The following RGS20 variants were observed in gnomAD, a reference collection of about 807,000 sequenced individuals.
RGS20 encodes regulator of G protein signaling 20.
A neutral mutation model predicts 33.6 loss-of-function variants in RGS20; 30 were observed. The observed-to-expected ratio is 0.89, with a 90% CI of 0.67 to 1.21. The LOEUF is 1.21. Among genes scored for constraint, RGS20 ranks in the 50% most tolerant of loss-of-function variants. The probability of loss-of-function intolerance (pLI) is 0.00; values close to 1 mark genes in which losing one functional copy is unlikely to be tolerated. For missense variants in RGS20, 472 were observed against 502.4 expected (o/e 0.94, Z 0.58); for synonymous variants, 208 against 197.9 (o/e 1.05, Z -0.43).
chr8:53,859,837 G>A lies in RGS20; in HGVS notation c.165+7773G>A, dbSNP rs375002910. ...CAGGGGGACTGCCCTTTATAAAGCC[G>A]TCGGATCTCATGAGACTTATTCACT... On this transcript the variant is annotated intron_variant, in intron 1 of 5. Coordinates refer to ENST00000297313, the MANE Select transcript of RGS20 (RefSeq NM_170587.4). Among the ~76,000 whole-genome samples, 116 of 152,284 alleles carry A rather than the reference G, an allele frequency of 7.6e-4. 1 individual carries two copies. The South Asian group carries it at 0.012, about 16-fold the overall frequency.
chr8:53,867,302 G>A (rs1036615512), intron 1 of RGS20, among the ~76,000 whole-genome samples: 15 of 152,018 alleles, frequency 9.9e-5, no homozygotes, highest in African/African-American at 3.1e-4. Context: ...CATCCCCTAC[G>A]TTTCTCATGC....
At position 53,863,996 on chromosome 8, in the gene RGS20, G is replaced by A. The variant is rs576134693; in HGVS notation, c.165+11932G>A. On this transcript the variant is annotated intron_variant, in intron 1 of 5. Transcript: ENST00000297313. ...CCTTCCTCGGCCTCCCAAAGTGGTGGGATTACAGGCATGACATTTTATCTT... is the reference window on the plus strand; with the variant it reads ...CCTTCCTCGGCCTCCCAAAGTGGTGAGATTACAGGCATGACATTTTATCTT... Among the ~76,000 whole-genome samples the A allele has an allele frequency of 7.2e-5, 11 of 151,864 alleles. No individual in the cohort carries two copies. In the South Asian group the frequency reaches 1.5e-3, roughly 20 times the overall value.
intron 2 of RGS20, among the ~76,000 whole-genome samples, chr8:53,888,712 G>T (rs543933889): frequency 6.6e-6 from 1 of 152,062 alleles, no homozygotes; most frequent in Admixed American, 6.6e-5. Flanking sequence ...CAAAGATTCC[G>T]TCTCGCTTCC....
chr8:53,941,783 G>C (rs953520456), intron 3 of RGS20, among the ~76,000 whole-genome samples: 2 of 152,138 alleles, frequency 1.3e-5, no homozygotes, highest in African/African-American at 2.4e-5. Flanking sequence ...TAAATAGCAG[G>C]ATACTTGGTA....
intron 2 of RGS20, among the ~76,000 whole-genome samples, chr8:53,892,547 T>C (rs1019951654): frequency 3.3e-5 from 5 of 152,254 alleles, no homozygotes; most frequent in Non-Finnish European, 7.3e-5. Flanking sequence ...AGATTGCAGT[T>C]ATGTAATGTA....
rs188959734 is a variant in RGS20, at chr8:53,947,879, A to G, written c.743+1131A>G. 2.8e-3 allele frequency among the ~76,000 whole-genome samples: 385 copies of G among 137,330 alleles called. 3 individuals are homozygous for G. The highest frequency in any genetic ancestry group is 0.011 in the Middle Eastern group (1 of 90). The allele number at this position is 137,330 out of a possible 152,430, so 90.1% of individuals were successfully genotyped here. Reference sequence around the variant, plus strand: ...TATACATTTATATATGCTATATATAAGATGTAGTATATATATGCTATATAT... The same window carrying G: ...TATACATTTATATATGCTATATATAGGATGTAGTATATATATGCTATATAT... On this transcript the variant is annotated intron_variant, in intron 4 of 5. Transcript: ENST00000297313.
intron 1 of RGS20, among the ~76,000 whole-genome samples, chr8:53,863,812 T>C (rs1306953809): frequency 6.7e-6 from 1 of 149,614 alleles, no homozygotes; most frequent in East Asian, 2.0e-4. Flanking sequence ...CTGCAACCTC[T>C]GCTTCCCCGG....
chr8:53,914,009 C>G (rs1349678794), intron 2 of RGS20: 3 of 148,366 alleles, frequency 2.0e-5, no homozygotes, highest in African/African-American at 7.6e-5. Flanking sequence ...CCTCTTCCTT[C>G]TTTTCTTTTC....
At chr8:53,878,700 G>T (rs1032233696) in intron 1 of RGS20, among the ~76,000 whole-genome samples, 1 of 151,860 alleles carries the variant, frequency 6.6e-6, no homozygotes, top group African/African-American at 2.4e-5. Flanking sequence ...CCACTATCTG[G>T]ACCTTCCATA....
intron 1 of RGS20, among the ~76,000 whole-genome samples, chr8:53,870,149 C>A (rs184218882): frequency 1.3e-5 from 2 of 152,256 alleles, no homozygotes. Context: ...TCCATCCCAC[C>A]TTTTCCAACC....
intron 1 of RGS20, among the ~76,000 whole-genome samples, chr8:53,870,273 A>G (rs1034728983): frequency 1.3e-5 from 2 of 152,178 alleles, no homozygotes; most frequent in African/African-American, 2.4e-5. Context: ...ACACACACAC[A>G]CACACACACA....
intron 1 of RGS20, among the ~76,000 whole-genome samples, chr8:53,875,437 AAAAAAAAAAAAAACC>A (rs1812179913): frequency 6.7e-6 from 1 of 148,724 alleles, no homozygotes; most frequent in South Asian, 2.3e-4. Context: ...GTCAAAAAAA[AAAAAAAAAAAAAACC>A]AAAAAAACCA....
In RGS20 at chr8:53,939,817, C is replaced by T. The variant is rs1467288299; in HGVS notation, c.659+93C>T. The T allele has an allele frequency of 2.3e-5, 32 of 1,392,730 alleles. No homozygotes were observed. The Middle Eastern group carries it at 1.0e-3, about 45-fold the overall frequency. 86.3% of individuals were successfully genotyped at this position (1,392,730 alleles called of 1,614,324 possible). ...GTGGCACCCCTGAAAGTGGTGGCAG[C>T]TTATGGTTAATTCAATAAGTGTTTT... is the stretch of plus-strand genomic sequence containing the variant. On this transcript the variant is annotated intron_variant, in intron 3 of 5. Transcript: ENST00000297313.
At chr8:53,895,382 A>G (rs905666704) in intron 2 of RGS20, among the ~76,000 whole-genome samples, 1 of 152,152 alleles carries the variant, frequency 6.6e-6, no homozygotes, top group Non-Finnish European at 1.5e-5. Context: ...AGAGGCAGAA[A>G]TGTGGATTCG....
chr8:53,880,195 CT>C (rs1227015649), intron 2 of RGS20: 2 of 152,544 alleles, frequency 1.3e-5, no homozygotes, highest in African/African-American at 2.4e-5. Context: ...CCGCTGCCCC[CT>C]GGTCTACTCC....
At chr8:53,908,699 A>G (rs1224799817) in intron 2 of RGS20, among the ~76,000 whole-genome samples, 1 of 151,382 alleles carries the variant, frequency 6.6e-6, no homozygotes, top group Non-Finnish European at 1.5e-5. Flanking sequence ...GCTACTCAGG[A>G]GGCTGAGGTG....
At chr8:53,901,895 C>T (rs1474584109) in intron 2 of RGS20, among the ~76,000 whole-genome samples, 2 of 152,200 alleles carry the variant, frequency 1.3e-5, no homozygotes, top group Non-Finnish European at 2.9e-5. Context: ...GAATAGAATG[C>T]AGAATGGCAG....
intron 2 of RGS20, among the ~76,000 whole-genome samples, chr8:53,930,247 TATA>T (rs1429181411): frequency 6.6e-6 from 1 of 152,224 alleles, no homozygotes; most frequent in Non-Finnish European, 1.5e-5. Flanking sequence ...TTAGCCTTCC[TATA>T]TGCTAAAATA....
At chr8:53,873,982 T>G (rs764555696) in intron 1 of RGS20, among the ~76,000 whole-genome samples, 2 of 152,132 alleles carry the variant, frequency 1.3e-5, no homozygotes, top group Non-Finnish European at 2.9e-5. Flanking sequence ...GTGGATCACT[T>G]GAGAACAGGA....
Sources: allele counts gnomAD v4.1 joint callset (sites outside exome capture counted in the v4.1 genomes callset), GRCh38; gene constraint gnomAD v4.1.1; transcripts MANE v1.5; gene names NCBI Gene and HGNC (gene_info 2026-07-23, HGNC 2026-07-21).